GABRG3: variants seen among roughly 807,000 people sequenced by gnomAD.
The protein encoded by GABRG3 is gamma-aminobutyric acid type A receptor subunit gamma3, also known as gamma-aminobutyric acid receptor subunit gamma-3.
Under a neutral mutation model 48.8 loss-of-function variants are expected in GABRG3, and 25 were observed. The observed-to-expected ratio is 0.51, with a 90% CI of 0.37 to 0.72. The LOEUF (loss-of-function observed/expected upper bound fraction) is 0.72. Ranked by LOEUF, GABRG3 falls within the 30% of genes least tolerant of loss-of-function variation. GABRG3 has a pLI of 0.00. For missense variants in GABRG3, 394 were observed against 577.9 expected (o/e 0.68, Z 3.26); for synonymous variants, 227 against 217.6 (o/e 1.04, Z -0.38).
At chr15:27,525,267 G>T (rs989819265) in intron 7 of GABRG3, among the ~76,000 whole-genome samples, 1 of 152,074 alleles carries the variant, frequency 6.6e-6, no homozygotes, top group African/African-American at 2.4e-5. Context: ...AAGATGCCAG[G>T]ATTTATATTC....
chr15:26,992,168 A>G (rs1021657063), intron 2 of GABRG3, among the ~76,000 whole-genome samples: 2 of 152,234 alleles, frequency 1.3e-5, no homozygotes, highest in Admixed American at 6.5e-5. Flanking sequence ...AGATCATATC[A>G]TCTTTACACC....
intron 5 of GABRG3, among the ~76,000 whole-genome samples, chr15:27,358,774 T>G (rs1280319946): frequency 6.6e-6 from 1 of 152,210 alleles, no homozygotes; most frequent in Non-Finnish European, 1.5e-5. Context: ...GGCTAAGTGG[T>G]GTGCCCCCGA....
At chr15:27,381,665 C>A (rs1302892138) in intron 5 of GABRG3, among the ~76,000 whole-genome samples, 1 of 152,148 alleles carries the variant, frequency 6.6e-6, no homozygotes, top group Admixed American at 6.5e-5. Context: ...GGATCTAAGA[C>A]GAGTTTTTGA....
At chr15:27,462,603 G>A (rs138910477) in intron 5 of GABRG3, among the ~76,000 whole-genome samples, 18 of 152,100 alleles carry the variant, frequency 1.2e-4, no homozygotes, top group Middle Eastern at 3.2e-3. Context: ...AATTAAAATT[G>A]TAAGTTGAAA....
chr15:27,107,566 A>C (rs1395840442), intron 3 of GABRG3, among the ~76,000 whole-genome samples: 2 of 151,996 alleles, frequency 1.3e-5, no homozygotes, highest in Non-Finnish European at 2.9e-5. Context: ...AATTAACTGG[A>C]AAAGTTCTCT....
intron 5 of GABRG3, among the ~76,000 whole-genome samples, chr15:27,424,556 T>A (rs1372172475): frequency 6.6e-6 from 1 of 150,394 alleles, no homozygotes; most frequent in Non-Finnish European, 1.5e-5. Context: ...TTTCACCTTT[T>A]TTTTTTTTTT....
intron 5 of GABRG3, among the ~76,000 whole-genome samples, chr15:27,476,262 A>C (rs1889937662): frequency 6.6e-6 from 1 of 152,144 alleles, no homozygotes; most frequent in South Asian, 2.1e-4. Context: ...CAAAGAAATA[A>C]CAAAATCTTA....
At position 27,533,484 on chromosome 15, in the gene GABRG3, A is replaced by G. The variant is rs1012995383; in HGVS notation, c.*603A>G. 3.9e-5 allele frequency: 6 copies of G among 152,420 alleles called. No individual in the cohort carries two copies. Among genetic ancestry groups the G allele is most frequent in the African/African-American group, 1.4e-4 (6 of 41,392 alleles). The allele number at this position is 152,420 out of a possible 1,614,324, so 9.4% of individuals were successfully genotyped here. On this transcript the variant is annotated 3_prime_UTR_variant, in exon 10 of 10. Transcript: ENST00000615808. ...CTCGTTCTAGGCCTGGGGAGAGTAC[A>G]CTCGCATTGTCTACGGTTTCCATTG...
chr15:27,520,240 A>C lies in GABRG3; in HGVS notation c.865+116A>C, dbSNP rs1048461661. On this transcript the variant is annotated intron_variant, in intron 7 of 9. Transcript: ENST00000615808. ...ATGTGAATGATCTCATTTGAGGGTG[A>C]CTTGAACCATGCTTAGAATTTTCTC... The C allele has an allele frequency of 2.8e-6, 3 of 1,073,390 alleles. No individual in the cohort carries two copies. The African/African-American group carries it at 4.8e-5, about 17-fold the overall frequency. The allele number at this position is 1,073,390 out of a possible 1,614,324, so 66.5% of individuals were successfully genotyped here.
chr15:27,343,958 G>GAA (rs367631699), intron 5 of GABRG3, among the ~76,000 whole-genome samples: 211 of 152,268 alleles, frequency 1.4e-3, no homozygotes, highest in Non-Finnish European at 2.3e-3. Flanking sequence ...CCAGGATCTG[G>GAA]AAAAAATCAG....
intron 3 of GABRG3, among the ~76,000 whole-genome samples, chr15:27,181,953 TATA>T (rs1422399306): frequency 2.0e-5 from 3 of 150,550 alleles, no homozygotes; most frequent in Non-Finnish European, 4.4e-5. Context: ...TCTACTATAA[TATA>T]ATTTCTACTA....
chr15:27,412,671 T>A (rs1595737752), intron 5 of GABRG3, among the ~76,000 whole-genome samples: 1 of 152,212 alleles, frequency 6.6e-6, no homozygotes, highest in Admixed American at 6.5e-5. Flanking sequence ...GGCAGCGTGG[T>A]CTTAGACCTT....
intron 3 of GABRG3, among the ~76,000 whole-genome samples, chr15:27,042,545 C>T (rs1896295039): frequency 6.6e-6 from 1 of 152,158 alleles, no homozygotes; most frequent in Non-Finnish European, 1.5e-5. Flanking sequence ...GGCTCACCCT[C>T]CCTGGGTGCT....
At chr15:27,318,723 C>T (rs964764635) in intron 3 of GABRG3, among the ~76,000 whole-genome samples, 11 of 152,094 alleles carry the variant, frequency 7.2e-5, no homozygotes, top group African/African-American at 1.9e-4. Flanking sequence ...GGATCCCAGG[C>T]GAGTAGTTCC....
intron 3 of GABRG3, among the ~76,000 whole-genome samples, chr15:27,087,817 GATT>G (rs749962133): frequency 1.3e-5 from 2 of 151,606 alleles, no homozygotes; most frequent in Non-Finnish European, 2.9e-5. Context: ...ATATGAGTGT[GATT>G]ATGTGTGGTG....
intron 3 of GABRG3, among the ~76,000 whole-genome samples, chr15:27,263,528 C>T (rs1242736272): frequency 3.3e-5 from 5 of 152,086 alleles, no homozygotes; most frequent in Non-Finnish European, 7.3e-5. Flanking sequence ...ATAGGAGCGT[C>T]CGATGCACAG....
At chr15:27,285,186 A>G (rs1053985071) in intron 3 of GABRG3, among the ~76,000 whole-genome samples, 21 of 151,894 alleles carry the variant, frequency 1.4e-4, no homozygotes, top group East Asian at 9.7e-4. Flanking sequence ...AAGTTTTTCT[A>G]TAATATGTTT....
chr15:27,478,107 C>T (rs561283047), intron 5 of GABRG3, among the ~76,000 whole-genome samples: 3 of 151,254 alleles, frequency 2.0e-5, no homozygotes, highest in Admixed American at 6.6e-5. Context: ...TGCGCCATTG[C>T]GAATGTACTT....
At position 27,434,205 on chromosome 15, in the gene GABRG3, A is replaced by G. The variant is rs373635646; in HGVS notation, c.575-46445A>G. 2.0e-4 allele frequency among the ~76,000 whole-genome samples: 30 copies of G among 152,366 alleles called. No individual in the cohort carries two copies. In the South Asian group the frequency reaches 6.0e-3, roughly 31 times the overall value. On this transcript the variant is annotated intron_variant, in intron 5 of 9. Transcript: ENST00000615808. ...GCCCAGAATAATGCACAGCATATTG[A>G]TGCAGATGTTAACAGCAGATTCATT...
Sources: allele counts gnomAD v4.1 joint callset (sites outside exome capture counted in the v4.1 genomes callset), GRCh38; gene constraint gnomAD v4.1.1; transcripts MANE v1.5; gene names NCBI Gene and HGNC (gene_info 2026-07-23, HGNC 2026-07-21).